Variants in MBNL2 observed in about 807,000 individuals in gnomAD.
MBNL2 encodes muscleblind like splicing regulator 2.
Under a neutral mutation model 41.9 loss-of-function variants are expected in MBNL2, and 17 were observed. The observed-to-expected ratio is 0.41, with a 90% CI of 0.28 to 0.61. The LOEUF (loss-of-function observed/expected upper bound fraction) is 0.61, where lower values mean the gene tolerates loss of function less well. MBNL2 is among the 20% of genes least tolerant of loss of function. The pLI, the probability that MBNL2 is intolerant of heterozygous loss-of-function variation, is 0.35. For missense variants in MBNL2, 336 were observed against 505.6 expected (o/e 0.66, Z 3.22); for synonymous variants, 195 against 182.9 (o/e 1.07, Z -0.53).
chr13:97,378,861 A>G (rs1464436362), intron 8 of MBNL2, among the ~76,000 whole-genome samples: 2 of 152,232 alleles, frequency 1.3e-5, no homozygotes, highest in Non-Finnish European at 2.9e-5. Flanking sequence ...GTGTATATAC[A>G]TTATTTCTCT....
At chr13:97,222,298 G>A, upstream of MBNL2, 1 of 397,466 alleles carries the variant, frequency 2.5e-6, no homozygotes, top group Non-Finnish European at 4.4e-6. Flanking sequence ...GGGATTTGTC[G>A]GAAGGAAGGG....
chr13:97,163,201 T>G, the MBNL2 span, among the ~76,000 whole-genome samples: 1 of 152,204 alleles, frequency 6.6e-6, no homozygotes, highest in Non-Finnish European at 1.5e-5. Flanking sequence ...GTGATCTGAC[T>G]CCACTCTTCC....
the MBNL2 span, among the ~76,000 whole-genome samples, chr13:97,187,906 CAAA>C: frequency 1.6e-5 from 2 of 121,814 alleles, no homozygotes; most frequent in African/African-American, 3.8e-5. Context: ...GACTTCGTCT[CAAA>C]AAAAAAAAAA....
the MBNL2 span, among the ~76,000 whole-genome samples, chr13:97,180,720 C>T: frequency 5.5e-4 from 70 of 127,192 alleles, no homozygotes; most frequent in Middle Eastern, 4.6e-3. Flanking sequence ...CCAGGCTGGG[C>T]GACAGAGTGA....
the MBNL2 span, among the ~76,000 whole-genome samples, chr13:97,186,417 G>A: frequency 3.3e-5 from 5 of 152,070 alleles, no homozygotes; most frequent in African/African-American, 4.8e-5. Context: ...GCTCCTACAC[G>A]GAGAGCTGCT....
chr13:97,335,032 A>G (rs2060758360), intron 3 of MBNL2, among the ~76,000 whole-genome samples: 1 of 152,222 alleles, frequency 6.6e-6, no homozygotes, highest in Non-Finnish European at 1.5e-5. Flanking sequence ...TGAGTGACTT[A>G]GGTCTCAACC....
intron 8 of MBNL2, among the ~76,000 whole-genome samples, chr13:97,378,203 A>ATTACTTAATTGAATCATT (rs1566451420): frequency 6.6e-6 from 1 of 152,246 alleles, no homozygotes; most frequent in African/African-American, 2.4e-5. Flanking sequence ...ATTATGTAAT[A>ATTACTTAATTGAATCATT]ACACTGGCAT....
rs533823027 is a variant in MBNL2 at position 97,315,115 on chromosome 13, T to C, written c.175-19161T>C. Reference sequence around the variant, plus strand: ...TTCATTTTAGGGGACACACCATATCTATATTTAAAATAGTATTTTTTGTCT... The same window carrying C: ...TTCATTTTAGGGGACACACCATATCCATATTTAAAATAGTATTTTTTGTCT... On this transcript the variant is annotated intron_variant, in intron 2 of 8. Coordinates refer to ENST00000679496, the MANE Select transcript of MBNL2 (RefSeq NM_001382683.1). 2.6e-5 allele frequency among the ~76,000 whole-genome samples: 4 copies of C among 152,320 alleles called. No homozygotes were observed. The East Asian group carries it at 7.7e-4, about 29-fold the overall frequency.
chr13:97,347,417 A>AG, intron 5 of MBNL2, among the ~76,000 whole-genome samples: 1 of 152,206 alleles, frequency 6.6e-6, no homozygotes, highest in East Asian at 1.9e-4. Context: ...CGCTTCGGAG[A>AG]GGGGAAAGAA....
the MBNL2 span, among the ~76,000 whole-genome samples, chr13:97,185,854 A>G: frequency 6.6e-6 from 1 of 152,230 alleles, no homozygotes; most frequent in Non-Finnish European, 1.5e-5. Context: ...CCACCCTGAC[A>G]GGCAAGGCTC....
chr13:97,349,348 A>ATCTT (rs2062205108), intron 5 of MBNL2, among the ~76,000 whole-genome samples: 1 of 152,140 alleles, frequency 6.6e-6, no homozygotes, highest in Non-Finnish European at 1.5e-5. Flanking sequence ...CACAAATGAG[A>ATCTT]TCTTTTACAC....
intron 1 of MBNL2, among the ~76,000 whole-genome samples, chr13:97,274,824 G>A (rs2051848826): frequency 6.6e-6 from 1 of 152,144 alleles, no homozygotes; most frequent in African/African-American, 2.4e-5. Context: ...CTATATTTTT[G>A]TTGTAGCCAT....
chr13:97,337,235 T>C (rs1325616457), intron 3 of MBNL2, among the ~76,000 whole-genome samples: 3 of 152,162 alleles, frequency 2.0e-5, no homozygotes, highest in Admixed American at 1.3e-4. Context: ...CTGGTCCTCA[T>C]CAGACATCAA....
the MBNL2 span, among the ~76,000 whole-genome samples, chr13:97,166,178 A>G: frequency 6.6e-6 from 1 of 152,244 alleles, no homozygotes; most frequent in Non-Finnish European, 1.5e-5. Context: ...GCAGACATGG[A>G]CTTTTTTAAA....
intron 2 of MBNL2, among the ~76,000 whole-genome samples, chr13:97,295,800 G>T (rs183831623): frequency 1.8e-4 from 27 of 152,062 alleles, no homozygotes; most frequent in Non-Finnish European, 3.2e-4. Flanking sequence ...GTTTAATCAT[G>T]AACTCTTCAA....
At chr13:97,189,346 T>A in the MBNL2 span, among the ~76,000 whole-genome samples, 1 of 152,110 alleles carries the variant, frequency 6.6e-6, no homozygotes, top group South Asian at 2.1e-4. Context: ...AATCAGTAAA[T>A]GCCTATTGCA....
the MBNL2 span, among the ~76,000 whole-genome samples, chr13:97,171,908 C>T: frequency 6.6e-6 from 1 of 152,136 alleles, no homozygotes; most frequent in Non-Finnish European, 1.5e-5. Flanking sequence ...TTTTGCTCGG[C>T]TCTCATTCTC....
the MBNL2 span, among the ~76,000 whole-genome samples, chr13:97,203,170 T>C: frequency 6.6e-6 from 1 of 152,126 alleles, no homozygotes; most frequent in African/African-American, 2.4e-5. Context: ...ATTCATAATA[T>C]AGACCATTTG....
intron 2 of MBNL2, among the ~76,000 whole-genome samples, chr13:97,277,033 T>C (rs933904415): frequency 6.6e-6 from 1 of 152,192 alleles, no homozygotes; most frequent in East Asian, 1.9e-4. Context: ...GTATCTACAA[T>C]GCAAGAAGGG....
Sources: allele counts gnomAD v4.1 joint callset (sites outside exome capture counted in the v4.1 genomes callset), GRCh38; gene constraint gnomAD v4.1.1; transcripts MANE v1.5; gene names NCBI Gene and HGNC (gene_info 2026-07-23, HGNC 2026-07-21).